VRK2: variants seen among roughly 807,000 people sequenced by gnomAD.
VRK2 encodes the protein VRK serine/threonine kinase 2.
Under a neutral mutation model 57.6 loss-of-function variants are expected in VRK2, and 60 were observed. That is an observed-to-expected ratio of 1.04 (90% CI 0.85 to 1.29). The LOEUF is 1.29. Among genes scored for constraint, VRK2 ranks in the 50% most tolerant of loss-of-function variants. The pLI is 0.00. For synonymous variants in VRK2, 231 were observed against 199.2 expected, an observed-to-expected ratio of 1.16 and a Z score of -1.35; for missense variants, 705 against 588.1, an observed-to-expected ratio of 1.20 and a Z score of -2.06.
chr2:57,965,150 T>G (rs994812433), intron 1 of VRK2, among the ~76,000 whole-genome samples: 1 of 152,188 alleles, frequency 6.6e-6, no homozygotes, highest in Non-Finnish European at 1.5e-5. Flanking sequence ...TAGGATACCT[T>G]GAAAACTGAT....
intron 10 of VRK2, among the ~76,000 whole-genome samples, chr2:58,137,488 A>C (rs1680715187): frequency 6.6e-6 from 1 of 151,806 alleles, no homozygotes; most frequent in Non-Finnish European, 1.5e-5. Context: ...CATTTTATTG[A>C]ATCCATACTA....
chr2:57,990,362 C>A (rs1424432743), intron 1 of VRK2, among the ~76,000 whole-genome samples: 1 of 152,152 alleles, frequency 6.6e-6, no homozygotes, highest in Non-Finnish European at 1.5e-5. Flanking sequence ...ATCACTGGAC[C>A]ATAGACAGTG....
At chr2:57,914,113 T>C (rs2103889343) in intron 1 of VRK2, among the ~76,000 whole-genome samples, 1 of 152,176 alleles carries the variant, frequency 6.6e-6, no homozygotes. Flanking sequence ...ACTTCTGAAA[T>C]TAGGATCCTC....
chr2:58,074,275 CA>C (rs1334669147), intron 2 of VRK2, among the ~76,000 whole-genome samples: 7 of 152,046 alleles, frequency 4.6e-5, no homozygotes, highest in Non-Finnish European at 8.8e-5. Flanking sequence ...GTATTTAGAT[CA>C]TTAACATTTA....
chr2:58,045,533 TAAG>T (rs1378297623), upstream of VRK2, among the ~76,000 whole-genome samples: 1 of 152,176 alleles, frequency 6.6e-6, no homozygotes, highest in Non-Finnish European at 1.5e-5. Context: ...CTTAAGAAAA[TAAG>T]AAAGGACACT....
chr2:58,061,624 T>G (rs1324659564), intron 2 of VRK2, among the ~76,000 whole-genome samples: 2 of 151,970 alleles, frequency 1.3e-5, no homozygotes, highest in African/African-American at 4.8e-5. Context: ...TATTTTATAT[T>G]CCACAGTAAA....
intron 2 of VRK2, among the ~76,000 whole-genome samples, chr2:58,076,486 C>T (rs907970518): frequency 2.6e-5 from 4 of 151,992 alleles, no homozygotes; most frequent in African/African-American, 9.7e-5. Flanking sequence ...CTACTGAATG[C>T]ACAGTGCTTT....
At chr2:58,013,807 G>A (rs947647686) in intron 1 of VRK2, among the ~76,000 whole-genome samples, 1 of 144,388 alleles carries the variant, frequency 6.9e-6, no homozygotes, top group Admixed American at 6.9e-5. Context: ...TGCAGTGAGC[G>A]GAGATCGCGC....
At chr2:58,137,165 T>TCATGTATCATATATATCATATATGATA (rs1573339191) in intron 10 of VRK2, among the ~76,000 whole-genome samples, 1 of 4,914 alleles carries the variant, frequency 2.0e-4, no homozygotes, top group South Asian at 8.9e-3. Context: ...TTTATATATA[T>TCATGTATCATATATATCATATATGATA]CATATATCAT....
intron 7 of VRK2, among the ~76,000 whole-genome samples, chr2:58,108,240 A>C (rs1178477026): frequency 6.6e-6 from 1 of 151,226 alleles, no homozygotes; most frequent in Non-Finnish European, 1.5e-5. Flanking sequence ...CTTTCTCTCA[A>C]CCCTCTTATC....
intron 1 of VRK2, among the ~76,000 whole-genome samples, chr2:57,941,437 T>C (rs936631446): frequency 3.3e-5 from 5 of 152,210 alleles, no homozygotes; most frequent in Non-Finnish European, 7.3e-5. Context: ...ACACCCTTGC[T>C]TTAGAAACAT....
At chr2:58,054,465 A>G (rs898687737) in intron 2 of VRK2, among the ~76,000 whole-genome samples, 2 of 151,848 alleles carry the variant, frequency 1.3e-5, no homozygotes, top group African/African-American at 4.8e-5. Context: ...CTCTATTGCC[A>G]CACAATAAAA....
At chr2:57,917,132 T>C (rs576121849) in intron 1 of VRK2, among the ~76,000 whole-genome samples, 5 of 152,310 alleles carry the variant, frequency 3.3e-5, no homozygotes, top group African/African-American at 1.2e-4. Flanking sequence ...TGCCTTAATG[T>C]TGATTAATAA....
chr2:58,048,877 C>T lies in VRK2; in HGVS notation c.46C>T (p.Pro16Ser). The T allele has an allele frequency of 1.2e-6, 2 of 1,613,946 alleles. No homozygotes were observed. The highest frequency in any genetic ancestry group is 1.7e-6 in the Non-Finnish European group (2 of 1,179,924). ...NEKYKLPIPF[P>S]EGKVLDDMEG... ...AAAATACAAACTTCCTATTCCATTTCCAGAAGGCAAGGTTCTGGATGATAT... is the reference window on the plus strand; with the variant it reads ...AAAATACAAACTTCCTATTCCATTTTCAGAAGGCAAGGTTCTGGATGATAT... Residue 16 changes from proline (P) to serine (S), a missense_variant, in exon 2 of 13, where the codon CCA becomes TCA. Coordinates refer to ENST00000340157, the MANE Select transcript of VRK2 (RefSeq NM_006296.7).
chr2:58,028,893 TAAATAAATAA>T (rs1203574149), intron 2 of VRK2, among the ~76,000 whole-genome samples: 1 of 55,908 alleles, frequency 1.8e-5, no homozygotes, highest in African/African-American at 7.6e-5. Flanking sequence ...AATAAATAAA[TAAATAAATAA>T]ATATATATAT....
chr2:57,944,672 T>C (rs1329184933), intron 1 of VRK2, among the ~76,000 whole-genome samples: 1 of 151,224 alleles, frequency 6.6e-6, no homozygotes, highest in Non-Finnish European at 1.5e-5. Context: ...GGAGGCGGAG[T>C]TTGCAGTGAG....
At chr2:57,946,321 G>GC (rs1553365446) in intron 1 of VRK2, among the ~76,000 whole-genome samples, 1 of 150,016 alleles carries the variant, frequency 6.7e-6, no homozygotes, top group African/African-American at 2.4e-5. Flanking sequence ...TGTCTCCTCT[G>GC]TTTTTTTTTG....
In VRK2 at chr2:58,124,961, C is replaced by T. The variant is rs746331995; in HGVS notation, c.676+1728C>T. On this transcript the variant is annotated intron_variant, in intron 8 of 12. Coordinates refer to ENST00000340157, the MANE Select transcript of VRK2 (RefSeq NM_006296.7). ...GTGAGAATTTAAAGATAATATGGGA[C>T]GTATCTTACATTAAGAAATGAGAAT... Among the ~76,000 whole-genome samples the T allele has an allele frequency of 3.3e-5, 5 of 151,598 alleles. No individual in the cohort carries two copies. In the South Asian group the frequency reaches 6.2e-4, roughly 19 times the overall value.
intron 1 of VRK2, among the ~76,000 whole-genome samples, chr2:57,944,798 C>CA (rs933419455): frequency 1.3e-4 from 19 of 141,258 alleles, no homozygotes; most frequent in Admixed American, 2.7e-4. Context: ...AGTGAAATGG[C>CA]AAAAAAAAGT....
Sources: allele counts gnomAD v4.1 joint callset (sites outside exome capture counted in the v4.1 genomes callset), GRCh38; gene constraint gnomAD v4.1.1; transcripts MANE v1.5; gene names NCBI Gene and HGNC (gene_info 2026-07-23, HGNC 2026-07-21).